The following SHISA9 variants were observed in gnomAD, a reference collection of about 807,000 sequenced individuals.
SHISA9 encodes the protein shisa family member 9.
Under a neutral mutation model 38.0 loss-of-function variants are expected in SHISA9, and 13 were observed. That is an observed-to-expected ratio of 0.34 (90% CI 0.22 to 0.54). The LOEUF (loss-of-function observed/expected upper bound fraction) is 0.54. SHISA9 is among the 20% of genes least tolerant of loss of function. The pLI is 0.91. For synonymous variants in SHISA9, 275 were observed against 242.0 expected (o/e 1.14, Z -1.27); for missense variants, 538 against 575.8 (o/e 0.93, Z 0.67).
At chr16:13,516,020 A>G in the SHISA9 span, among the ~76,000 whole-genome samples, 7 of 152,334 alleles carry the variant, frequency 4.6e-5, no homozygotes, top group East Asian at 1.3e-3. Context: ...TCCATATTCC[A>G]TCAGTTGCCT....
chr16:13,149,124 T>C (rs2050474773), intron 2 of SHISA9, among the ~76,000 whole-genome samples: 1 of 152,174 alleles, frequency 6.6e-6, no homozygotes, highest in African/African-American at 2.4e-5. Flanking sequence ...GCCAGTGAGA[T>C]GAGTCTCCTT....
chr16:13,181,399 G>C (rs894321944), intron 2 of SHISA9, among the ~76,000 whole-genome samples: 21 of 150,180 alleles, frequency 1.4e-4, no homozygotes, highest in African/African-American at 3.4e-4. Context: ...TCTAAGCAAA[G>C]GGAAGAATGT....
chr16:13,011,921 G>C (rs1252360419), intron 2 of SHISA9, among the ~76,000 whole-genome samples: 1 of 152,018 alleles, frequency 6.6e-6, no homozygotes, highest in Non-Finnish European at 1.5e-5. Flanking sequence ...CACTTCCCAG[G>C]TTCAAGCGAT....
At chr16:13,047,815 C>T (rs2073204768) in intron 2 of SHISA9, among the ~76,000 whole-genome samples, 1 of 152,166 alleles carries the variant, frequency 6.6e-6, no homozygotes, top group Admixed American at 6.5e-5. Flanking sequence ...GTTTACTGAG[C>T]ACTTGCCATG....
chr16:13,435,368 A>G, the SHISA9 span, among the ~76,000 whole-genome samples: 11 of 152,344 alleles, frequency 7.2e-5, no homozygotes, highest in Non-Finnish European at 1.5e-4. Flanking sequence ...AGATGCACAT[A>G]ACAAAGTTAA....
the SHISA9 span, among the ~76,000 whole-genome samples, chr16:13,434,417 A>ATTTTTTTTTTTTTTT: frequency 7.4e-4 from 31 of 41,800 alleles, no homozygotes; most frequent in South Asian, 3.9e-3. Flanking sequence ...TAGACAAGCT[A>ATTTTTTTTTTTTTTT]TGTTTTTTTT....
intron 2 of SHISA9, among the ~76,000 whole-genome samples, chr16:13,023,256 G>A (rs761658136): frequency 1.4e-4 from 21 of 152,256 alleles, no homozygotes; most frequent in Admixed American, 2.6e-4. Flanking sequence ...ACCTATGAGT[G>A]AGAACATGCG....
At chr16:13,519,543 T>C in the SHISA9 span, among the ~76,000 whole-genome samples, 4 of 152,186 alleles carry the variant, frequency 2.6e-5, no homozygotes, top group Non-Finnish European at 5.9e-5. Flanking sequence ...GCTACAGCTA[T>C]AGCTATCTTT....
chr16:13,477,513 G>T, the SHISA9 span, among the ~76,000 whole-genome samples: 3 of 152,192 alleles, frequency 2.0e-5, no homozygotes, highest in South Asian at 2.1e-4. Context: ...AAAGGTGGTG[G>T]GGGGAGGTGA....
chr16:13,007,813 C>A (rs1596580309), intron 2 of SHISA9, among the ~76,000 whole-genome samples: 2 of 151,984 alleles, frequency 1.3e-5, no homozygotes, highest in Non-Finnish European at 2.9e-5. Flanking sequence ...CTTCCTCACA[C>A]CCCTCTTGTG....
At chr16:12,978,313 A>C (rs1040316330) in intron 2 of SHISA9, among the ~76,000 whole-genome samples, 1 of 152,230 alleles carries the variant, frequency 6.6e-6, no homozygotes. Flanking sequence ...AAGAATTTTC[A>C]TAAGTGCAGC....
chr16:13,414,199 T>G, the SHISA9 span, among the ~76,000 whole-genome samples: 4 of 152,338 alleles, frequency 2.6e-5, no homozygotes, highest in East Asian at 5.8e-4. Context: ...CTTTTTTTAC[T>G]TCTTAATTTA....
chr16:13,416,487 G>A, the SHISA9 span, among the ~76,000 whole-genome samples: 1 of 152,128 alleles, frequency 6.6e-6, no homozygotes, highest in Non-Finnish European at 1.5e-5. Flanking sequence ...AACACTGGGA[G>A]GATGTGAGAC....
chr16:13,417,386 A>G, the SHISA9 span, among the ~76,000 whole-genome samples: 12 of 152,166 alleles, frequency 7.9e-5, no homozygotes, highest in Non-Finnish European at 1.6e-4. Context: ...GTTGGAAAAA[A>G]AAAAATAAGC....
chr16:13,271,820 G>A, the SHISA9 span, among the ~76,000 whole-genome samples: 6 of 152,036 alleles, frequency 3.9e-5, no homozygotes, highest in Non-Finnish European at 8.8e-5. Context: ...GGTGGCTCAC[G>A]CCTGTAATCC....
chr16:13,545,923 A>G, the SHISA9 span, among the ~76,000 whole-genome samples: 1 of 152,082 alleles, frequency 6.6e-6, no homozygotes, highest in African/African-American at 2.4e-5. Context: ...CCTTCCTGGG[A>G]CTTTTAATTT....
the SHISA9 span, among the ~76,000 whole-genome samples, chr16:13,476,315 C>G: frequency 6.6e-6 from 1 of 152,272 alleles, no homozygotes; most frequent in South Asian, 2.1e-4. Flanking sequence ...CTTACCCCTC[C>G]CAAGTTACAT....
intron 1 of SHISA9, chr16:12,908,534 C>G: frequency 6.4e-7 from 1 of 1,552,006 alleles, no homozygotes; most frequent in Non-Finnish European, 8.7e-7. Flanking sequence ...AGAGGACGAA[C>G]CTGCCCCTGG....
At chr16:13,433,836 G>T in the SHISA9 span, among the ~76,000 whole-genome samples, 1 of 152,138 alleles carries the variant, frequency 6.6e-6, no homozygotes, top group East Asian at 1.9e-4. Context: ...CTTTGGCTTT[G>T]ACCATCTATT....
Sources: allele counts gnomAD v4.1 joint callset (sites outside exome capture counted in the v4.1 genomes callset), GRCh38; gene constraint gnomAD v4.1.1; transcripts MANE v1.5; gene names NCBI Gene and HGNC (gene_info 2026-07-23, HGNC 2026-07-21).